The following XPO4 variants were observed in gnomAD, a reference collection of about 807,000 sequenced individuals.
XPO4 encodes the protein exportin 4, also known as exportin-4.
Under a neutral mutation model 143.0 loss-of-function variants are expected in XPO4, and 39 were observed. The observed-to-expected ratio is 0.27, with a 90% CI of 0.21 to 0.36. The LOEUF is 0.36. XPO4 is among the 10% of genes least tolerant of loss of function. The probability of loss-of-function intolerance (pLI) is 1.00; values close to 1 mark genes in which losing one functional copy is unlikely to be tolerated. For missense variants in XPO4, 907 were observed against 1,348.0 expected, an observed-to-expected ratio of 0.67 and a Z score of 5.12; for synonymous variants, 439 against 474.0, an observed-to-expected ratio of 0.93 and a Z score of 0.96.
chr13:20,809,329 A>G (rs2059547240), intron 10 of XPO4, 104 bp from the exon 11 acceptor site: 3 of 1,392,598 alleles, frequency 2.2e-6, no homozygotes, highest in African/African-American at 1.4e-5. Flanking sequence ...ACTGCATAGC[A>G]AAAGGAGAGG....
At chr13:20,818,504 A>C (rs910203321) in intron 9 of XPO4, among the ~76,000 whole-genome samples, 2 of 152,234 alleles carry the variant, frequency 1.3e-5, no homozygotes, top group African/African-American at 4.8e-5. Context: ...ATATATTCCT[A>C]AACAAACACA....
At chr13:20,876,259 T>C (rs1003944608) in intron 1 of XPO4, among the ~76,000 whole-genome samples, 2 of 103,482 alleles carry the variant, frequency 1.9e-5, no homozygotes, top group African/African-American at 7.9e-5. Context: ...CAAAACTCCA[T>C]CTCGGAAAAA....
At chr13:20,808,369 G>T in intron 12 of XPO4, 67 bp downstream of exon 12, 12 of 1,416,852 alleles carry the variant, frequency 8.5e-6, no homozygotes, top group Non-Finnish European at 1.0e-5. Flanking sequence ...TTTCATATAG[G>T]AAGCTTCTTT....
intron 9 of XPO4, among the ~76,000 whole-genome samples, chr13:20,820,193 G>T (rs1223094664): frequency 6.6e-6 from 1 of 152,232 alleles, no homozygotes; most frequent in Non-Finnish European, 1.5e-5. Context: ...TGTGAAATAA[G>T]CACAACACAC....
intron 1 of XPO4, among the ~76,000 whole-genome samples, chr13:20,883,486 G>T (rs1288571731): frequency 2.0e-5 from 3 of 152,200 alleles, no homozygotes; most frequent in Non-Finnish European, 2.9e-5. Context: ...AGACTAAACT[G>T]TATTTCTTAG....
intron 6 of XPO4, among the ~76,000 whole-genome samples, chr13:20,831,519 T>C (rs1359875073): frequency 6.6e-6 from 1 of 152,188 alleles, no homozygotes; most frequent in Non-Finnish European, 1.5e-5. Context: ...AGCTATTACT[T>C]CACCGAAGTT....
chr13:20,885,040 T>C (rs2060448636), intron 1 of XPO4, among the ~76,000 whole-genome samples: 1 of 152,124 alleles, frequency 6.6e-6, no homozygotes. Context: ...CTCGGCTCAC[T>C]GCAACCTCCA....
chr13:20,848,430 A>G (rs2060049262), intron 4 of XPO4: 1 of 985,200 alleles, frequency 1.0e-6, no homozygotes, highest in African/African-American at 1.7e-5. Context: ...CCTCTGCCAT[A>G]CCTAATTTGC....
chr13:20,845,529 C>T (rs2138068699), intron 4 of XPO4, among the ~76,000 whole-genome samples: 1 of 152,252 alleles, frequency 6.6e-6, no homozygotes, highest in South Asian at 2.1e-4. Flanking sequence ...CACTTGGAGA[C>T]AAAGAAGCCA....
chr13:20,876,330 G>A (rs1391175156), intron 1 of XPO4, among the ~76,000 whole-genome samples: 2 of 146,066 alleles, frequency 1.4e-5, no homozygotes, highest in Non-Finnish European at 3.0e-5. Context: ...CACGTATGAA[G>A]ACATAATAGT....
intron 19 of XPO4, among the ~76,000 whole-genome samples, chr13:20,790,146 A>ATT (rs1202755834): frequency 1.3e-5 from 2 of 152,186 alleles, no homozygotes; most frequent in African/African-American, 4.8e-5. Context: ...TTAGTGACAA[A>ATT]TTATGAGGTA....
intron 9 of XPO4, among the ~76,000 whole-genome samples, chr13:20,816,763 G>A (rs2059655711): frequency 6.6e-6 from 1 of 152,266 alleles, no homozygotes; most frequent in South Asian, 2.1e-4. Context: ...ATATTACATG[G>A]TTATCATCCA....
chr13:20,850,698 G>C (rs1046881519), intron 4 of XPO4: 1 of 688,142 alleles, frequency 1.5e-6, no homozygotes, highest in Non-Finnish European at 1.8e-6. Flanking sequence ...CCAGGTGATC[G>C]AGGCAGCAGT....
At chr13:20,855,432 G>A (rs1233875870) in intron 4 of XPO4, among the ~76,000 whole-genome samples, 195 bp downstream of exon 4, 5 of 147,018 alleles carry the variant, frequency 3.4e-5, no homozygotes, top group Non-Finnish European at 5.9e-5. Context: ...TCCAGCCTGG[G>A]CAACAAGAGC....
intron 1 of XPO4, among the ~76,000 whole-genome samples, chr13:20,876,291 G>C (rs1442503405): frequency 7.2e-6 from 1 of 139,206 alleles, no homozygotes; most frequent in Non-Finnish European, 1.6e-5. Flanking sequence ...AAAAGAATAA[G>C]AAGGGGGTAA....
intron 16 of XPO4, among the ~76,000 whole-genome samples, chr13:20,798,047 G>A (rs1832411100): frequency 6.6e-6 from 1 of 152,118 alleles, no homozygotes; most frequent in Admixed American, 6.6e-5. Context: ...AGGAGGCTGA[G>A]ACAGGAGAGT....
intron 18 of XPO4, among the ~76,000 whole-genome samples, chr13:20,793,437 T>G (rs2059312235): frequency 6.6e-6 from 1 of 152,270 alleles, no homozygotes; most frequent in African/African-American, 2.4e-5. Flanking sequence ...TGCTTAGCTT[T>G]ATTGTTTGCT....
At chr13:20,815,054 T>C (rs1357720573) in intron 9 of XPO4, among the ~76,000 whole-genome samples, 2 of 152,186 alleles carry the variant, frequency 1.3e-5, no homozygotes, top group African/African-American at 4.8e-5. Flanking sequence ...TCAAATTGAA[T>C]TTCAGAGATT....
chr13:20,803,494 C>G lies in XPO4; in HGVS notation c.1818-2504G>C, dbSNP rs1001417143. 2.6e-5 allele frequency among the ~76,000 whole-genome samples: 4 copies of G among 152,178 alleles called. No homozygotes were observed. The highest frequency in any genetic ancestry group is 9.7e-5 in the African/African-American group (4 of 41,442). On this transcript the variant is annotated intron_variant, in intron 13 of 22. Transcript: ENST00000255305. This position sits in a 1 kb window ranked among gnomAD's most constrained non-coding sequence, Gnocchi z 4.1. ...CCTTTCTTCTACCTCAGAAATACCT[C>G]TCATAACCCAAGAACCTTTCTCCAT...
Sources: allele counts gnomAD v4.1 joint callset (sites outside exome capture counted in the v4.1 genomes callset), GRCh38; gene constraint gnomAD v4.1.1; non-coding constraint Gnocchi (gnomAD v3.1); transcripts MANE v1.5; gene names NCBI Gene and HGNC (gene_info 2026-07-23, HGNC 2026-07-21).